Variants in CEP135 observed in about 807,000 individuals in gnomAD.
The protein encoded by CEP135 is centrosomal protein of 135 kDa.
Under a neutral mutation model 157.3 loss-of-function variants are expected in CEP135, and 142 were observed. The ratio of observed to expected loss-of-function variants is 0.90; its 90% CI spans 0.79 to 1.04. The LOEUF (loss-of-function observed/expected upper bound fraction) is 1.04. Among genes scored for constraint, CEP135 ranks in the 50% least tolerant of loss-of-function variants. The pLI is 0.00. For synonymous variants in CEP135, 396 were observed against 439.8 expected (o/e 0.90, Z 1.25); for missense variants, 1,317 against 1,309.2 (o/e 1.01, Z -0.09).
At chr4:56,027,804 C>T (rs1288195856) in intron 25 of CEP135, among the ~76,000 whole-genome samples, 1 of 152,140 alleles carries the variant, frequency 6.6e-6, no homozygotes, top group Non-Finnish European at 1.5e-5. Context: ...ATCCTCCCGC[C>T]TCAGCCTCCT....
chr4:55,952,124 A>C lies in CEP135; in HGVS notation c.-7A>C, dbSNP rs1328852773. ...GGAAGTGAATAAAACTTGTTTTAGAAGACGAGATGACTACAGCTGTAGAGA... is the reference window on the plus strand; with the variant it reads ...GGAAGTGAATAAAACTTGTTTTAGACGACGAGATGACTACAGCTGTAGAGA... On this transcript the variant is annotated 5_prime_UTR_variant, in exon 2 of 26. Transcript: ENST00000257287. 2.7e-6 allele frequency: 4 copies of C among 1,504,664 alleles called. No individual in the cohort carries two copies. Among genetic ancestry groups the C allele is most frequent in the Non-Finnish European group, 3.7e-6 (4 of 1,093,644 alleles). 93.2% of individuals were successfully genotyped at this position (1,504,664 alleles called of 1,614,324 possible). A position where few individuals can be genotyped will look rare whatever the true frequency, so the allele number is the denominator to read the frequency against.
chr4:56,029,649 C>T lies in CEP135; in HGVS notation c.*12-1711C>T, dbSNP rs370951911. Reference sequence around the variant, plus strand: ...TAGATGGTATATAGCCTACTGCATACCCAGGCTATATGGTATAGCCTCTTG... The same window carrying T: ...TAGATGGTATATAGCCTACTGCATATCCAGGCTATATGGTATAGCCTCTTG... On this transcript the variant is annotated intron_variant, in intron 25 of 25. Coordinates refer to ENST00000257287, the MANE Select transcript of CEP135 (RefSeq NM_025009.5). Among the ~76,000 whole-genome samples, 4 of 152,298 alleles carry T rather than the reference C, an allele frequency of 2.6e-5. No homozygotes were observed. In the East Asian group the frequency reaches 5.8e-4, roughly 22 times the overall value.
chr4:55,960,059 C>T (rs1728631069), intron 6 of CEP135: 2 of 500,218 alleles, frequency 4.0e-6, no homozygotes, highest in Admixed American at 7.7e-5. Context: ...CTTATTTACT[C>T]GATTCTCTTC....
intron 14 of CEP135, among the ~76,000 whole-genome samples, chr4:55,986,274 T>C (rs1729577316): frequency 1.3e-5 from 2 of 152,224 alleles, no homozygotes; most frequent in South Asian, 4.1e-4. Context: ...TAGTGGCTCA[T>C]GCCTATAATC....
intron 21 of CEP135, 76 bp from the exon 22 acceptor site, chr4:56,017,572 G>A (rs2109742227): frequency 7.9e-7 from 1 of 1,271,540 alleles, no homozygotes; most frequent in African/African-American, 1.5e-5. Flanking sequence ...AAGTGAGATT[G>A]TTGGCTGTAC....
intron 8 of CEP135, among the ~76,000 whole-genome samples, chr4:55,967,737 T>C (rs1180374737): frequency 6.6e-6 from 1 of 152,170 alleles, no homozygotes; most frequent in Non-Finnish European, 1.5e-5. Flanking sequence ...TTTTATATAG[T>C]GCCACCTCTA....
intron 22 of CEP135, among the ~76,000 whole-genome samples, chr4:56,018,874 T>C (rs1056492862): frequency 2.6e-5 from 4 of 152,250 alleles, no homozygotes; most frequent in African/African-American, 9.6e-5. Context: ...CAAGTCTATT[T>C]AGCTAGAATT....
intron 8 of CEP135, among the ~76,000 whole-genome samples, chr4:55,967,791 C>A (rs1728888439): frequency 1.3e-5 from 2 of 152,184 alleles, no homozygotes; most frequent in South Asian, 4.1e-4. Flanking sequence ...ATTTTAAAAA[C>A]CATGTGTGAA....
intron 11 of CEP135, among the ~76,000 whole-genome samples, chr4:55,977,244 A>T (rs1168061900): frequency 1.3e-5 from 2 of 152,234 alleles, no homozygotes; most frequent in African/African-American, 4.8e-5. Flanking sequence ...TGTTAGGCAC[A>T]GTGTTGGGAT....
chr4:55,962,662 A>G (rs1334283399), intron 6 of CEP135, among the ~76,000 whole-genome samples: 2 of 136,112 alleles, frequency 1.5e-5, no homozygotes, highest in Non-Finnish European at 3.1e-5. Context: ...ATTTGATATT[A>G]TTGATAATTG....
intron 22 of CEP135, among the ~76,000 whole-genome samples, chr4:56,018,351 G>A (rs1299112679): frequency 6.6e-6 from 1 of 152,104 alleles, no homozygotes; most frequent in Non-Finnish European, 1.5e-5. Flanking sequence ...AGATTTCTCA[G>A]GCAAACGTAG....
chr4:56,022,743 A>G (rs1731010488), intron 24 of CEP135, among the ~76,000 whole-genome samples: 1 of 152,158 alleles, frequency 6.6e-6, no homozygotes, highest in South Asian at 2.1e-4. Flanking sequence ...GATTCTTTCC[A>G]ATCTGACTTT....
chr4:55,986,536 T>G (rs1729593557), intron 14 of CEP135, among the ~76,000 whole-genome samples: 1 of 151,930 alleles, frequency 6.6e-6, no homozygotes, highest in Non-Finnish European at 1.5e-5. Context: ...AGCAAGACCC[T>G]GTCTCCAAAA....
At chr4:56,012,521 G>C in intron 21 of CEP135, among the ~76,000 whole-genome samples, 1 of 152,092 alleles carries the variant, frequency 6.6e-6, no homozygotes, top group East Asian at 1.9e-4. Flanking sequence ...AGACAGTTCT[G>C]TGGCATTAGT....
chr4:56,021,094 C>G (rs1360961738), intron 24 of CEP135, among the ~76,000 whole-genome samples: 1 of 152,002 alleles, frequency 6.6e-6, no homozygotes, highest in African/African-American at 2.4e-5. Context: ...TTCCGCAGGA[C>G]AAAATTAGAA....
intron 5 of CEP135, among the ~76,000 whole-genome samples, chr4:55,958,850 G>A (rs992174044): frequency 7.2e-5 from 11 of 152,034 alleles, no homozygotes; most frequent in Non-Finnish European, 8.8e-5. Flanking sequence ...TTGGTAGGCC[G>A]AGGCAGGAGG....
chr4:55,975,004 T>A lies in CEP135; in HGVS notation c.1473+35T>A, dbSNP rs1729152591. 5 of 1,412,824 alleles carry A rather than the reference T, an allele frequency of 3.5e-6. No homozygotes were observed. In the East Asian group the frequency reaches 1.2e-4, roughly 33 times the overall value. The allele number at this position is 1,412,824 out of a possible 1,614,324, so 87.5% of individuals were successfully genotyped here. A position where few individuals can be genotyped will look rare whatever the true frequency, so the allele number is the denominator to read the frequency against. On this transcript the variant is annotated intron_variant, in intron 11 of 25. Transcript: ENST00000257287. ...CTTTATAAGAGTAGGCCAGAAAGTA[T>A]CTTTATGAATAAATTTTTCTGGTTT...
intron 1 of CEP135, 124 bp from the exon 2 acceptor site, chr4:55,951,962 G>A (rs1354271291): frequency 2.2e-6 from 1 of 455,838 alleles, no homozygotes; most frequent in East Asian, 3.3e-5. Context: ...GAATTTTCCA[G>A]AAGGCTACCT....
intron 21 of CEP135, among the ~76,000 whole-genome samples, chr4:56,015,692 T>G (rs750579262): frequency 2.0e-5 from 3 of 152,232 alleles, no homozygotes; most frequent in Non-Finnish European, 4.4e-5. Flanking sequence ...CACCATTTTA[T>G]TTTGGAAGCA....
Sources: gnomAD v4.1 joint callset for allele counts (sites outside exome capture counted in the v4.1 genomes callset) on GRCh38, gnomAD v4.1.1 for gene constraint, MANE v1.5 for transcripts, NCBI Gene and HGNC (gene_info 2026-07-23, HGNC 2026-07-21) for gene names.